Variants in AMBRA1 observed in about 807,000 individuals in gnomAD.
The protein encoded by AMBRA1 is activating molecule in BECN1-regulated autophagy protein 1.
A neutral mutation model predicts 125.4 loss-of-function variants in AMBRA1; 47 were observed. The observed-to-expected ratio is 0.37, with a 90% CI of 0.30 to 0.48. The LOEUF is 0.48. AMBRA1 is among the 20% of genes least tolerant of loss of function. The pLI, the probability that AMBRA1 is intolerant of heterozygous loss-of-function variation, is 0.99. For synonymous variants in AMBRA1, 626 were observed against 655.5 expected (o/e 0.95, Z 0.69); for missense variants, 1,331 against 1,693.4 (o/e 0.79, Z 3.76).
At chr11:46,593,619 C>A (rs774185025) in intron 1 of AMBRA1, among the ~76,000 whole-genome samples, 13 of 152,216 alleles carry the variant, frequency 8.5e-5, no homozygotes, top group Non-Finnish European at 1.6e-4. Flanking sequence ...AGAACCACAC[C>A]GGGAAGCCCC....
chr11:46,523,667 A>T (rs1951849411), intron 7 of AMBRA1, among the ~76,000 whole-genome samples: 1 of 152,234 alleles, frequency 6.6e-6, no homozygotes, highest in Admixed American at 6.5e-5. Context: ...CTGTGTAAAA[A>T]GTCCCACAAA....
intron 8 of AMBRA1, 152 bp from the exon 9 acceptor site, chr11:46,508,522 G>C (rs1470857225): frequency 2.8e-6 from 2 of 710,378 alleles, no homozygotes; most frequent in African/African-American, 3.6e-5. Context: ...CTCACCAGGA[G>C]GTTTGCACTG....
intron 11 of AMBRA1, among the ~76,000 whole-genome samples, chr11:46,491,961 G>A (rs1359105358): frequency 6.6e-6 from 1 of 152,226 alleles, no homozygotes; most frequent in Non-Finnish European, 1.5e-5. Flanking sequence ...CAGTAGAGAA[G>A]CAGGAGGTGC....
At chr11:46,499,071 G>C (rs1235881491) in intron 9 of AMBRA1, among the ~76,000 whole-genome samples, 1 of 152,108 alleles carries the variant, frequency 6.6e-6, no homozygotes, top group Non-Finnish European at 1.5e-5. Context: ...TCATTCATAG[G>C]GAATAGCTAA....
At chr11:46,553,872 C>G (rs1591107891) in intron 1 of AMBRA1, among the ~76,000 whole-genome samples, 1 of 152,124 alleles carries the variant, frequency 6.6e-6, no homozygotes, top group Admixed American at 6.5e-5. Flanking sequence ...GCTCTCATCA[C>G]TTATTAGTGC....
intron 1 of AMBRA1, among the ~76,000 whole-genome samples, chr11:46,568,548 G>C (rs916936205): frequency 6.6e-6 from 1 of 151,322 alleles, no homozygotes; most frequent in Non-Finnish European, 1.5e-5. Flanking sequence ...CAAGGTGGGT[G>C]GATCACCTGA....
chr11:46,560,005 A>G (rs1168000745), intron 1 of AMBRA1, among the ~76,000 whole-genome samples: 3 of 152,236 alleles, frequency 2.0e-5, no homozygotes, highest in Non-Finnish European at 4.4e-5. Flanking sequence ...CACACAAAGA[A>G]GTCTCGCACC....
chr11:46,445,141 T>C (rs1457777726), intron 11 of AMBRA1, among the ~76,000 whole-genome samples: 2 of 151,046 alleles, frequency 1.3e-5, no homozygotes, highest in African/African-American at 2.4e-5. Context: ...AGTATATAAA[T>C]AGATACACAT....
chr11:46,437,069 A>G (rs1159730740), intron 12 of AMBRA1, among the ~76,000 whole-genome samples: 1 of 152,192 alleles, frequency 6.6e-6, no homozygotes, highest in Admixed American at 6.5e-5. Context: ...ATTTTGGTCA[A>G]ACACCTAGAA....
Position 46,547,096 on chromosome 11 carries a change from C to G in AMBRA1, c.378+17G>C, listed in dbSNP as rs1953061342. ...TTAGAACACCAAAAGAAAAGGGTAT[C>G]TTAAGGAAATACTCACGTGTAAATC... On this transcript the variant is annotated intron_variant, in intron 4 of 17. Transcript: ENST00000683756. 1 of 1,577,514 alleles carries G rather than the reference C, an allele frequency of 6.3e-7. No individual in the cohort carries two copies. The highest frequency in any genetic ancestry group is 1.4e-5 in the African/African-American group (1 of 72,690).
chr11:46,569,449 A>G (rs921031202), intron 1 of AMBRA1, among the ~76,000 whole-genome samples: 111 of 146,006 alleles, frequency 7.6e-4, no homozygotes, highest in African/African-American at 2.4e-3. Flanking sequence ...AAATATATAT[A>G]TATATATATA....
chr11:46,571,846 C>T (rs1324186403), intron 1 of AMBRA1, among the ~76,000 whole-genome samples: 4 of 151,710 alleles, frequency 2.6e-5, no homozygotes, highest in East Asian at 2.0e-4. Context: ...CGCACCACCA[C>T]GCCCAGCTAA....
intron 17 of AMBRA1, among the ~76,000 whole-genome samples, chr11:46,406,119 T>C (rs1183371239): frequency 6.6e-6 from 1 of 151,660 alleles, no homozygotes; most frequent in Non-Finnish European, 1.5e-5. Flanking sequence ...AGTGGTGTGA[T>C]TTTGGCTCAT....
Position 46,541,932 on chromosome 11 carries a change from A to T in AMBRA1, c.2072+13T>A. The T allele has an allele frequency of 6.3e-7, 1 of 1,598,804 alleles. No homozygotes were observed. The highest frequency in any genetic ancestry group is 1.1e-5 in the South Asian group (1 of 88,042). On this transcript the variant is annotated intron_variant, in intron 7 of 17. Coordinates refer to ENST00000683756, the MANE Select transcript of AMBRA1 (RefSeq NM_001387011.1). ...AAGCAAGGGATGCAGAAGATAGGAAAGCGACTGCTTACCTCCTGAGTGAAT... is the reference window on the plus strand; with the variant it reads ...AAGCAAGGGATGCAGAAGATAGGAATGCGACTGCTTACCTCCTGAGTGAAT...
chr11:46,545,550 T>G (rs1266952993), intron 5 of AMBRA1, 54 bp downstream of exon 5: 4 of 1,570,988 alleles, frequency 2.5e-6, no homozygotes, highest in Non-Finnish European at 3.5e-6. Context: ...CAGTAGAATG[T>G]TCTCTATCAC....
intron 11 of AMBRA1, among the ~76,000 whole-genome samples, chr11:46,477,933 A>T (rs1949891711): frequency 6.6e-6 from 1 of 152,092 alleles, no homozygotes; most frequent in East Asian, 1.9e-4. Context: ...AAAATTAGCC[A>T]GAGCTAATTT....
intron 11 of AMBRA1, among the ~76,000 whole-genome samples, chr11:46,490,465 A>G (rs1030296160): frequency 9.2e-5 from 14 of 152,178 alleles, no homozygotes; most frequent in African/African-American, 3.1e-4. Flanking sequence ...ACACTTTTCT[A>G]TAGTAGCTTC....
rs570891809 is a variant in AMBRA1, at chr11:46,508,145, C to T, written c.2339+46G>A. ...AACAGTGGCCAACTTGGAAGCACTC[C>T]AAGCTTGAGAGGAGAGGGAAGAAAG... is the stretch of plus-strand genomic sequence containing the variant. On this transcript the variant is annotated intron_variant, in intron 9 of 17. Transcript: ENST00000683756. The T allele has an allele frequency of 6.9e-6, 11 of 1,605,326 alleles. No homozygotes were observed. In the South Asian group the frequency reaches 1.1e-4, roughly 16 times the overall value.
Position 46,508,270 on chromosome 11 carries a change from G to T in AMBRA1, c.2260C>A (p.Arg754Ser). ...RSMRYQQNRL[R>S]SSTSSSSSDN... is the part of the protein sequence containing the mutation. ...GAGGAAGAGGAGGAGGTGGAAGAACGGAGACGGTTCTGTTGGTAGCGCATG... is the reference window on the plus strand; with the variant it reads ...GAGGAAGAGGAGGAGGTGGAAGAACTGAGACGGTTCTGTTGGTAGCGCATG... Residue 754 changes from arginine to serine, a missense_variant, in exon 9 of 18, where the codon CGT (arginine) becomes AGT (serine). Transcript: ENST00000683756. The T allele has an allele frequency of 6.2e-7, 1 of 1,614,196 alleles. No homozygotes were observed. Among genetic ancestry groups the T allele is most frequent in the Non-Finnish European group, 8.5e-7 (1 of 1,180,014 alleles).
Sources: allele counts gnomAD v4.1 joint callset (sites outside exome capture counted in the v4.1 genomes callset), GRCh38; gene constraint gnomAD v4.1.1; transcripts MANE v1.5; gene names NCBI Gene and HGNC (gene_info 2026-07-23, HGNC 2026-07-21).